CNTN5: variants seen among roughly 807,000 people sequenced by gnomAD.
CNTN5 encodes contactin 5, also known as contactin-5.
Under a neutral mutation model 129.1 loss-of-function variants are expected in CNTN5, and 77 were observed. The observed-to-expected ratio is 0.60, with a 90% confidence interval of 0.50 to 0.72. CNTN5 has a LOEUF of 0.72. Among genes scored for constraint, CNTN5 ranks in the 30% least tolerant of loss-of-function variants. The pLI is 0.00. For synonymous variants in CNTN5, 509 were observed against 465.6 expected (o/e 1.09, Z -1.20); for missense variants, 1,478 against 1,328.8 (o/e 1.11, Z -1.75).
chr11:99,946,649 C>T (rs888461786), intron 7 of CNTN5, among the ~76,000 whole-genome samples: 2 of 151,992 alleles, frequency 1.3e-5, no homozygotes, highest in African/African-American at 4.8e-5. Flanking sequence ...CCATGAAAAC[C>T]TTTCATCCAT....
At chr11:99,806,948 A>C (rs1946291276) in intron 3 of CNTN5, among the ~76,000 whole-genome samples, 1 of 152,228 alleles carries the variant, frequency 6.6e-6, no homozygotes, top group African/African-American at 2.4e-5. Context: ...AATTGGAAGC[A>C]AAACACTACG....
At chr11:99,407,864 C>T (rs1942153786) in intron 2 of CNTN5, among the ~76,000 whole-genome samples, 1 of 152,102 alleles carries the variant, frequency 6.6e-6, no homozygotes, top group Non-Finnish European at 1.5e-5. Context: ...GAGTTCAGTG[C>T]CTCATAATCA....
chr11:99,551,059 G>A (rs1225280386), intron 2 of CNTN5, among the ~76,000 whole-genome samples: 12 of 152,064 alleles, frequency 7.9e-5, no homozygotes, highest in Admixed American at 2.0e-4. Context: ...CAAGAATCCT[G>A]CCATCAGATC....
chr11:99,632,336 A>G (rs572853280), intron 3 of CNTN5, among the ~76,000 whole-genome samples: 25 of 152,212 alleles, frequency 1.6e-4, no homozygotes, highest in Admixed American at 2.6e-4. Context: ...GCTTTTCTCA[A>G]CTGAACTGCA....
At chr11:100,137,687 A>G (rs1946570522) in intron 13 of CNTN5, among the ~76,000 whole-genome samples, 1 of 152,134 alleles carries the variant, frequency 6.6e-6, no homozygotes, top group Non-Finnish European at 1.5e-5. Flanking sequence ...AAGTCAGTTT[A>G]TCACTATGAG....
chr11:99,385,370 G>C (rs1303976937), intron 2 of CNTN5, among the ~76,000 whole-genome samples: 2 of 152,048 alleles, frequency 1.3e-5, no homozygotes, highest in Non-Finnish European at 2.9e-5. Flanking sequence ...TGGATTTGGT[G>C]ATTTGGACTT....
At chr11:99,526,751 C>A (rs537018015) in intron 2 of CNTN5, among the ~76,000 whole-genome samples, 1 of 152,282 alleles carries the variant, frequency 6.6e-6, no homozygotes, top group African/African-American at 2.4e-5. Context: ...TTCTTTACAA[C>A]AGATACCTAC....
intron 2 of CNTN5, among the ~76,000 whole-genome samples, chr11:99,426,514 A>G (rs1393125774): frequency 1.3e-5 from 2 of 152,174 alleles, no homozygotes; most frequent in Admixed American, 1.3e-4. Context: ...GAATTTTCGT[A>G]AGCCTTTTTA....
At chr11:99,811,536 G>T (rs1044945938) in intron 3 of CNTN5, among the ~76,000 whole-genome samples, 2 of 149,440 alleles carry the variant, frequency 1.3e-5, no homozygotes. Context: ...ACATTGGATG[G>T]CAATGTTATG....
intron 8 of CNTN5, among the ~76,000 whole-genome samples, chr11:99,965,454 A>C (rs1175127579): frequency 6.6e-6 from 1 of 151,112 alleles, no homozygotes; most frequent in Non-Finnish European, 1.5e-5. Context: ...TTCAGTTTCC[A>C]TGTAGTTGAG....
intron 6 of CNTN5, among the ~76,000 whole-genome samples, chr11:99,869,179 G>T (rs908805496): frequency 1.3e-5 from 2 of 152,126 alleles, no homozygotes; most frequent in African/African-American, 4.8e-5. Context: ...GTTAGGTTTA[G>T]GTCTTTGAAT....
At position 99,575,075 on chromosome 11, in the gene CNTN5, A is replaced by G. The variant is rs76678598; in HGVS notation, c.55+18806A>G. On this transcript the variant is annotated intron_variant, in intron 3 of 24. Transcript: ENST00000524871. ...AAATGGGTTAGGCTACATTATTTGA[A>G]TCTTCTTACATATTCTAATGTTGTT... Among the ~76,000 whole-genome samples the G allele has an allele frequency of 9.9e-3, 1,511 of 152,254 alleles. 34 individuals are homozygous for G. The highest frequency in any genetic ancestry group is 0.034 in the African/African-American group (1,428 of 41,544).
At chr11:99,329,866 A>C (rs1865929009) in intron 2 of CNTN5, among the ~76,000 whole-genome samples, 2 of 151,784 alleles carry the variant, frequency 1.3e-5, no homozygotes, top group South Asian at 4.2e-4. Flanking sequence ...GGGTGCAAAA[A>C]GTTCACACAA....
At chr11:99,517,791 C>G (rs1360423668) in intron 2 of CNTN5, among the ~76,000 whole-genome samples, 1 of 152,092 alleles carries the variant, frequency 6.6e-6, no homozygotes. Context: ...CTACCATAGC[C>G]CACCTAACTT....
chr11:99,576,634 A>G (rs970314806), intron 3 of CNTN5, among the ~76,000 whole-genome samples: 1 of 152,120 alleles, frequency 6.6e-6, no homozygotes, highest in Non-Finnish European at 1.5e-5. Flanking sequence ...AATACCATAA[A>G]CTGGGTGGCT....
At chr11:100,259,226 A>G (rs567969406) in intron 17 of CNTN5, among the ~76,000 whole-genome samples, 109 of 152,344 alleles carry the variant, frequency 7.2e-4, no homozygotes, top group African/African-American at 1.9e-3. Context: ...TAAAGGGATC[A>G]ATGCAAAAAG....
chr11:99,056,670 G>C (rs1864636925), intron 1 of CNTN5, among the ~76,000 whole-genome samples: 2 of 151,930 alleles, frequency 1.3e-5, no homozygotes, highest in African/African-American at 4.8e-5. Flanking sequence ...CATGCCTCTA[G>C]GTCTGGGTGC....
chr11:99,595,385 T>C (rs1950095280), intron 3 of CNTN5, among the ~76,000 whole-genome samples: 1 of 152,168 alleles, frequency 6.6e-6, no homozygotes, highest in East Asian at 1.9e-4. Context: ...AATATTTTTA[T>C]GTATTTCCTT....
At chr11:100,012,347 C>T (rs952873769) in intron 9 of CNTN5, among the ~76,000 whole-genome samples, 8 of 152,084 alleles carry the variant, frequency 5.3e-5, no homozygotes, top group African/African-American at 9.7e-5. Flanking sequence ...AATGGCTAGA[C>T]GTGTGGATGT....
Sources: gnomAD v4.1 joint callset for allele counts (sites outside exome capture counted in the v4.1 genomes callset) on GRCh38, gnomAD v4.1.1 for gene constraint, MANE v1.5 for transcripts, NCBI Gene and HGNC (gene_info 2026-07-23, HGNC 2026-07-21) for gene names.